The following ZNRF3 variants were observed in gnomAD, a reference collection of about 807,000 sequenced individuals.
The protein encoded by ZNRF3 is zinc and ring finger 3, also known as E3 ubiquitin-protein ligase ZNRF3.
A neutral mutation model predicts 72.5 loss-of-function variants in ZNRF3; 23 were observed. The observed-to-expected ratio is 0.32, with a 90% CI of 0.23 to 0.45. The LOEUF is 0.45. Ranked by LOEUF, ZNRF3 falls within the 20% of genes least tolerant of loss-of-function variation. ZNRF3 has a pLI of 1.00. For missense variants in ZNRF3, 1,169 were observed against 1,272.1 expected (o/e 0.92, Z 1.23); for synonymous variants, 610 against 545.3 (o/e 1.12, Z -1.65).
intron 2 of ZNRF3, among the ~76,000 whole-genome samples, chr22:28,991,832 C>CA (rs2035958468): frequency 6.6e-6 from 1 of 152,022 alleles, no homozygotes; most frequent in Non-Finnish European, 1.5e-5. Context: ...TTGTCTTCGC[C>CA]AGTTTTTCTA....
chr22:29,002,369 C>G (rs1421136881), intron 2 of ZNRF3, among the ~76,000 whole-genome samples: 1 of 152,098 alleles, frequency 6.6e-6, no homozygotes, highest in Non-Finnish European at 1.5e-5. Flanking sequence ...AAGTTATAGT[C>G]CATCAAATCT....
At chr22:28,931,812 A>G (rs2034712340) in intron 1 of ZNRF3, among the ~76,000 whole-genome samples, 1 of 152,098 alleles carries the variant, frequency 6.6e-6, no homozygotes, top group African/African-American at 2.4e-5. Context: ...AATCAGGAGG[A>G]CTCTTCCTGC....
chr22:29,004,812 A>G (rs2036212817), intron 2 of ZNRF3, among the ~76,000 whole-genome samples: 1 of 152,154 alleles, frequency 6.6e-6, no homozygotes, highest in Non-Finnish European at 1.5e-5. Context: ...TGCTGCCAGC[A>G]GGCCAGCCAA....
intron 2 of ZNRF3, among the ~76,000 whole-genome samples, chr22:28,997,777 G>A (rs1217159963): frequency 6.6e-6 from 1 of 151,774 alleles, no homozygotes; most frequent in East Asian, 1.9e-4. Context: ...TTTGGGAGGC[G>A]AGAGGATAAC....
At chr22:29,028,596 C>G (rs1175703693) in intron 2 of ZNRF3, among the ~76,000 whole-genome samples, 1 of 152,206 alleles carries the variant, frequency 6.6e-6, no homozygotes, top group African/African-American at 2.4e-5. Context: ...GAGTATTTCT[C>G]TGGCCTGGGA....
chr22:28,923,315 G>A (rs1193576245), intron 1 of ZNRF3, among the ~76,000 whole-genome samples: 1 of 152,142 alleles, frequency 6.6e-6, no homozygotes, highest in Non-Finnish European at 1.5e-5. Flanking sequence ...CCCTCCCCAT[G>A]CAGGGATTGT....
intron 1 of ZNRF3, among the ~76,000 whole-genome samples, chr22:28,985,948 G>T (rs567845703): frequency 7.2e-5 from 11 of 152,286 alleles, no homozygotes; most frequent in African/African-American, 2.4e-4. Flanking sequence ...AGAGGCCATC[G>T]TCATTTCTTG....
At chr22:28,982,369 G>A (rs1043051638) in intron 1 of ZNRF3, among the ~76,000 whole-genome samples, 2 of 150,346 alleles carry the variant, frequency 1.3e-5, no homozygotes, top group East Asian at 2.0e-4. Context: ...AGGCTGAGGC[G>A]GAAGGATTGC....
At chr22:29,020,759 G>GTTTTT (rs762825720) in intron 2 of ZNRF3, among the ~76,000 whole-genome samples, 25 of 140,056 alleles carry the variant, frequency 1.8e-4, no homozygotes, top group South Asian at 9.1e-4. Context: ...GAGGGGCTTT[G>GTTTTT]TTTTTGTGTG....
At chr22:28,915,066 A>G (rs2034385774) in intron 1 of ZNRF3, among the ~76,000 whole-genome samples, 1 of 152,136 alleles carries the variant, frequency 6.6e-6, no homozygotes, top group Admixed American at 6.5e-5. Flanking sequence ...CACTGAACCA[A>G]ATTTCTTCTG....
chr22:28,988,700 T>C (rs2035900093), intron 2 of ZNRF3, among the ~76,000 whole-genome samples: 3 of 152,170 alleles, frequency 2.0e-5, no homozygotes, highest in Admixed American at 1.3e-4. Flanking sequence ...TTAGGAGAAA[T>C]GCCAGCTACA....
chr22:28,925,483 C>G (rs2034584223), intron 1 of ZNRF3, among the ~76,000 whole-genome samples: 1 of 152,186 alleles, frequency 6.6e-6, no homozygotes, highest in African/African-American at 2.4e-5. Flanking sequence ...CTGTAAGTTA[C>G]TGGAAGGCAA....
intron 1 of ZNRF3, among the ~76,000 whole-genome samples, chr22:28,925,455 C>T (rs892211241): frequency 6.6e-6 from 1 of 152,116 alleles, no homozygotes; most frequent in South Asian, 2.1e-4. Flanking sequence ...ATGCCTCTAC[C>T]CATGCACATT....
chr22:28,892,229 A>G (rs1450738512), intron 1 of ZNRF3, among the ~76,000 whole-genome samples: 4 of 152,206 alleles, frequency 2.6e-5, no homozygotes, highest in Non-Finnish European at 4.4e-5. Context: ...TTTGTGGGGC[A>G]AGGCAATGAA....
intron 1 of ZNRF3, among the ~76,000 whole-genome samples, chr22:28,947,088 G>A (rs1334006475): frequency 6.6e-6 from 1 of 152,096 alleles, no homozygotes; most frequent in Non-Finnish European, 1.5e-5. Flanking sequence ...GGGTAGAGTT[G>A]GTTCTCTTAA....
At position 29,049,417 on chromosome 22, in the gene ZNRF3, C is replaced by G; in HGVS notation, c.1236C>G (p.Thr412=). The change falls in exon 8 of 9, where the codon ACC becomes ACG. Residue 412 remains threonine (T), a synonymous_variant. Transcript: ENST00000544604. This position sits in a 1 kb window ranked among gnomAD's most constrained non-coding sequence, Gnocchi z 5.2. ...AGCAGAGCCTCTATTCCCCGCAGAC[C>G]CCCGCCTACATCCGCAGCTACCCAC... ...HGEQSLYSPQ[T]PAYIRSYPPL... is the part of the protein sequence containing the mutation. 6.2e-7 allele frequency: 1 copy of G among 1,608,398 alleles called. No individual in the cohort carries two copies. The highest frequency in any genetic ancestry group is 8.5e-7 in the Non-Finnish European group (1 of 1,179,478).
chr22:28,991,007 C>T (rs1421995619), intron 2 of ZNRF3, among the ~76,000 whole-genome samples: 6 of 151,912 alleles, frequency 3.9e-5, no homozygotes, highest in East Asian at 1.9e-4. Context: ...ATGGGCCAGG[C>T]GTGGTGGCTC....
At chr22:28,986,045 G>T (rs898450685) in intron 1 of ZNRF3, among the ~76,000 whole-genome samples, 1 of 152,150 alleles carries the variant, frequency 6.6e-6, no homozygotes, top group African/African-American at 2.4e-5. Context: ...ATGCTTCCCT[G>T]CTTCCCTTAT....
At chr22:29,021,085 T>C (rs556439544) in intron 2 of ZNRF3, among the ~76,000 whole-genome samples, 1 of 151,840 alleles carries the variant, frequency 6.6e-6, no homozygotes, top group South Asian at 2.1e-4. Context: ...CGTGAGCCAC[T>C]GCACTCGGCC....
Sources: allele counts gnomAD v4.1 joint callset (sites outside exome capture counted in the v4.1 genomes callset), GRCh38; gene constraint gnomAD v4.1.1; non-coding constraint Gnocchi (gnomAD v3.1); transcripts MANE v1.5; gene names NCBI Gene and HGNC (gene_info 2026-07-23, HGNC 2026-07-21).